Variants in PPME1 observed in about 807,000 individuals in gnomAD.
PPME1 encodes protein phosphatase methylesterase 1.
PPME1 carries 17 observed loss-of-function variants against 56.9 expected under a neutral mutation model. The observed-to-expected ratio is 0.30, with a 90% CI of 0.20 to 0.45. The LOEUF (loss-of-function observed/expected upper bound fraction) is 0.45. Ranked by LOEUF, PPME1 falls within the 20% of genes least tolerant of loss-of-function variation. PPME1 has a pLI of 1.00. For synonymous variants in PPME1, 122 were observed against 156.2 expected (o/e 0.78, Z 1.63); for missense variants, 357 against 483.2 (o/e 0.74, Z 2.45).
intron 3 of PPME1, among the ~76,000 whole-genome samples, chr11:74,210,445 G>T (rs1432628295): frequency 6.6e-6 from 1 of 152,146 alleles, no homozygotes; most frequent in Non-Finnish European, 1.5e-5. Context: ...CTGTGTTTTG[G>T]ATATTTGGCC....
chr11:74,203,153 T>A (rs1381744778), intron 1 of PPME1, among the ~76,000 whole-genome samples: 1 of 152,194 alleles, frequency 6.6e-6, no homozygotes, highest in African/African-American at 2.4e-5. Context: ...GTCATTTCAC[T>A]TCTGTGTGAG....
intron 7 of PPME1, among the ~76,000 whole-genome samples, chr11:74,231,724 A>G (rs1251841853): frequency 6.6e-6 from 1 of 152,162 alleles, no homozygotes; most frequent in Non-Finnish European, 1.5e-5. Context: ...CTGATGCTTC[A>G]TGGTTTTAGA....
intron 1 of PPME1, among the ~76,000 whole-genome samples, chr11:74,194,112 T>A (rs1301222904): frequency 6.6e-6 from 1 of 152,232 alleles, no homozygotes; most frequent in Non-Finnish European, 1.5e-5. Flanking sequence ...TTTAGCTCCA[T>A]ATCAGTTTGA....
intron 13 of PPME1, among the ~76,000 whole-genome samples, chr11:74,252,891 G>T (rs1474095485): frequency 1.3e-5 from 2 of 152,118 alleles, no homozygotes; most frequent in Non-Finnish European, 2.9e-5. Flanking sequence ...AGGTGGTATT[G>T]ACCCACCTCA....
rs1859787384 is a variant in PPME1, at chr11:74,254,622, G to T, written c.*1112G>T. ...AACAACCTCCCACCCCTGTCCTGCT[G>T]CATGGTCCGGAGTCTGGGACCTACT... On this transcript the variant is annotated 3_prime_UTR_variant, in exon 14 of 14. Transcript: ENST00000328257. 1 of 153,102 alleles carries T rather than the reference G, an allele frequency of 6.5e-6. No homozygotes were observed. The allele number at this position is 153,102 out of a possible 1,614,324, so 9.5% of individuals were successfully genotyped here. A position where few individuals can be genotyped will look rare whatever the true frequency, so the allele number is the denominator to read the frequency against.
chr11:74,251,544 G>C, intron 12 of PPME1, 104 bp from the exon 13 acceptor site: 2 of 1,524,718 alleles, frequency 1.3e-6, no homozygotes, highest in Non-Finnish European at 8.8e-7. Context: ...CTGTGGGTGG[G>C]ATGAGGGCAC....
intron 1 of PPME1, among the ~76,000 whole-genome samples, chr11:74,189,025 T>A (rs992991073): frequency 6.6e-6 from 1 of 152,222 alleles, no homozygotes; most frequent in African/African-American, 2.4e-5. Context: ...AGTAACTATT[T>A]TCATTAGTCT....
At chr11:74,174,973 C>A (rs185054107) in intron 1 of PPME1, among the ~76,000 whole-genome samples, 7 of 152,274 alleles carry the variant, frequency 4.6e-5, no homozygotes, top group Non-Finnish European at 1.0e-4. Flanking sequence ...TGTCACTCTT[C>A]CTTTTAATAG....
intron 11 of PPME1, chr11:74,249,484 C>T (rs1859597893): frequency 6.6e-6 from 1 of 152,230 alleles, no homozygotes. Flanking sequence ...TATGTGAGTT[C>T]TCTCTGATTA....
chr11:74,181,903 T>A (rs1366302408), intron 1 of PPME1, among the ~76,000 whole-genome samples: 2 of 152,386 alleles, frequency 1.3e-5, no homozygotes, highest in East Asian at 3.9e-4. Context: ...GTCTGTGTTC[T>A]AACAACACTT....
intron 3 of PPME1, among the ~76,000 whole-genome samples, chr11:74,217,344 T>A (rs1281198867): frequency 2.0e-5 from 3 of 151,702 alleles, no homozygotes; most frequent in Non-Finnish European, 4.4e-5. Flanking sequence ...GAGTTCAAGA[T>A]CAGCCTGGCC....
At chr11:74,198,508 C>T (rs1858053356) in intron 1 of PPME1, among the ~76,000 whole-genome samples, 2 of 152,184 alleles carry the variant, frequency 1.3e-5, no homozygotes, top group Admixed American at 6.5e-5. Context: ...GTCCCCCAGG[C>T]TGGAATGCAG....
intron 9 of PPME1, among the ~76,000 whole-genome samples, chr11:74,245,763 C>T (rs1859487386): frequency 6.6e-6 from 1 of 152,098 alleles, no homozygotes; most frequent in Non-Finnish European, 1.5e-5. Flanking sequence ...CATCCTTTTG[C>T]CAACCAAGTA....
chr11:74,177,348 G>C (rs549797967), intron 1 of PPME1, among the ~76,000 whole-genome samples: 33 of 151,814 alleles, frequency 2.2e-4, no homozygotes, highest in Non-Finnish European at 2.9e-5. Flanking sequence ...TGTAGTCCCA[G>C]CTACTCTGGA....
chr11:74,185,569 T>A (rs1857657502), intron 1 of PPME1, among the ~76,000 whole-genome samples: 1 of 151,926 alleles, frequency 6.6e-6, no homozygotes, highest in East Asian at 1.9e-4. Context: ...TTCTGTCTGT[T>A]CTCTTGCTTT....
intron 1 of PPME1, among the ~76,000 whole-genome samples, chr11:74,178,589 A>C (rs1243565159): frequency 6.6e-6 from 1 of 152,200 alleles, no homozygotes; most frequent in Non-Finnish European, 1.5e-5. Flanking sequence ...GGAGAAGCCT[A>C]ATCTTCTGAT....
intron 3 of PPME1, among the ~76,000 whole-genome samples, chr11:74,208,673 A>G (rs1014783782): frequency 6.6e-6 from 1 of 152,240 alleles, no homozygotes; most frequent in Non-Finnish European, 1.5e-5. Flanking sequence ...TTGGTAAAGT[A>G]CTTGACTCAT....
intron 1 of PPME1, chr11:74,198,909 C>T (rs572365654): frequency 6.6e-6 from 1 of 152,316 alleles, no homozygotes; most frequent in African/African-American, 2.4e-5. Flanking sequence ...TCCAAAAAAT[C>T]ACACACATAC....
At chr11:74,214,072 A>G (rs1297617694) in intron 3 of PPME1, among the ~76,000 whole-genome samples, 1 of 152,236 alleles carries the variant, frequency 6.6e-6, no homozygotes, top group African/African-American at 2.4e-5. Flanking sequence ...TTTTGAGGAA[A>G]TTCAACAAAA....
Sources: gnomAD v4.1 joint callset for allele counts (sites outside exome capture counted in the v4.1 genomes callset) on GRCh38, gnomAD v4.1.1 for gene constraint, MANE v1.5 for transcripts, NCBI Gene and HGNC (gene_info 2026-07-23, HGNC 2026-07-21) for gene names.